MALRD1: variants seen among roughly 807,000 people sequenced by gnomAD.
MALRD1 encodes MAM and LDL receptor class A domain containing 1.
In MALRD1, 247 loss-of-function variants were observed where a neutral mutation model predicts 242.1. The ratio of observed to expected loss-of-function variants is 1.02; its 90% CI spans 0.92 to 1.13. MALRD1 has a LOEUF of 1.13. Ranked by LOEUF, MALRD1 falls within the 50% of genes most tolerant of loss-of-function variation. The probability of loss-of-function intolerance (pLI) is 0.00; values close to 1 mark genes in which losing one functional copy is unlikely to be tolerated. For missense variants in MALRD1, 2,989 were observed against 2,533.1 expected (o/e 1.18, Z -3.86); for synonymous variants, 995 against 866.6 (o/e 1.15, Z -2.60).
chr10:19,055,379 T>G (rs970266887), intron 1 of MALRD1, among the ~76,000 whole-genome samples: 2 of 152,202 alleles, frequency 1.3e-5, no homozygotes, highest in African/African-American at 4.8e-5. Flanking sequence ...TTGTCATCTT[T>G]GCTGTGCAGA....
intron 10 of MALRD1, among the ~76,000 whole-genome samples, chr10:19,139,849 A>G (rs1352913439): frequency 6.6e-6 from 1 of 152,218 alleles, no homozygotes; most frequent in East Asian, 1.9e-4. Flanking sequence ...ACAAGGTCCC[A>G]GGTGACTTGT....
At chr10:19,386,366 A>T (rs940370983) in intron 26 of MALRD1, among the ~76,000 whole-genome samples, 1 of 152,066 alleles carries the variant, frequency 6.6e-6, no homozygotes, top group Non-Finnish European at 1.5e-5. Flanking sequence ...TTTGAAGTAA[A>T]GCAAGGAGTG....
intron 32 of MALRD1, among the ~76,000 whole-genome samples, chr10:19,539,897 T>TGTGTGTGTGTGCGC (rs1365113182): frequency 1.8e-4 from 8 of 44,426 alleles, no homozygotes; most frequent in East Asian, 1.6e-3. Flanking sequence ...TGTGTGTGTG[T>TGTGTGTGTGTGCGC]GCGCGCGCGC....
At chr10:19,423,436 G>A (rs1220664895) in intron 28 of MALRD1, among the ~76,000 whole-genome samples, 1 of 151,672 alleles carries the variant, frequency 6.6e-6, no homozygotes, top group Non-Finnish European at 1.5e-5. Flanking sequence ...AGATTAATCT[G>A]GTACAAAAAT....
At chr10:19,338,885 G>A (rs936472945) in intron 24 of MALRD1, among the ~76,000 whole-genome samples, 68 of 145,260 alleles carry the variant, frequency 4.7e-4, no homozygotes, top group African/African-American at 1.2e-3. Context: ...ACACACACAC[G>A]CACATATATA....
chr10:19,295,381 G>C (rs796956765), intron 21 of MALRD1, among the ~76,000 whole-genome samples: 4 of 151,732 alleles, frequency 2.6e-5, no homozygotes, highest in African/African-American at 9.7e-5. Flanking sequence ...AGTTAAAATA[G>C]TATCCAATTG....
In MALRD1 at chr10:19,719,412, C is replaced by T. The variant is rs116107485; in HGVS notation, c.6315-11294C>T. ...TTCTTTAAGATTAAGTTACAGAAAC[C>T]TGGGTCAGTTTTATTCCTACTAATT... On this transcript the variant is annotated intron_variant, in intron 38 of 39. Coordinates refer to ENST00000454679, the MANE Select transcript of MALRD1 (RefSeq NM_001142308.3). 6.7e-4 allele frequency among the ~76,000 whole-genome samples: 101 copies of T among 151,368 alleles called. 1 individual carries two copies. Among genetic ancestry groups the T allele is most frequent in the African/African-American group, 2.2e-3 (92 of 41,228 alleles).
At chr10:19,397,420 ATTTTTT>A (rs1564304888) in intron 28 of MALRD1, among the ~76,000 whole-genome samples, 1 of 152,036 alleles carries the variant, frequency 6.6e-6, no homozygotes, top group Non-Finnish European at 1.5e-5. Context: ...ACAGGATTTC[ATTTTTT>A]TAATGGATGA....
rs565559032 is a variant in MALRD1 at position 19,139,425 on chromosome 10, A to C, written c.1411+2644A>C. The stretch of plus-strand genomic sequence containing the variant: ...CATGTTCATGAAGCACAAGAAAAAT[A>C]CCTTTATATCTTTTTTTTCTTGCAC... On this transcript the variant is annotated intron_variant, in intron 10 of 39. Transcript: ENST00000454679. Among the ~76,000 whole-genome samples the C allele has an allele frequency of 4.7e-4, 71 of 152,324 alleles. 1 individual carries two copies. The highest frequency in any genetic ancestry group is 8.8e-5 in the Non-Finnish European group (6 of 68,038).
chr10:19,704,196 G>A (rs929809486), intron 38 of MALRD1, among the ~76,000 whole-genome samples: 1 of 152,038 alleles, frequency 6.6e-6, no homozygotes, highest in Non-Finnish European at 1.5e-5. Flanking sequence ...GTTTAGATCT[G>A]GAAGTATTCT....
chr10:19,430,411 C>T (rs1025211292), intron 28 of MALRD1, among the ~76,000 whole-genome samples: 5 of 151,822 alleles, frequency 3.3e-5, no homozygotes, highest in South Asian at 4.2e-4. Context: ...CACCATGCCC[C>T]GGCCTCCTCA....
intron 24 of MALRD1, among the ~76,000 whole-genome samples, chr10:19,347,132 A>G (rs1170844251): frequency 1.3e-5 from 2 of 152,192 alleles, no homozygotes; most frequent in Non-Finnish European, 2.9e-5. Context: ...ATGCCTGTGT[A>G]ATTACTACTG....
intron 39 of MALRD1, among the ~76,000 whole-genome samples, chr10:19,732,954 T>C (rs1835354978): frequency 1.3e-5 from 2 of 152,222 alleles, no homozygotes; most frequent in South Asian, 4.1e-4. Flanking sequence ...TCTGTTTTCC[T>C]TTCATTATGA....
chr10:19,233,329 C>T (rs76126445), intron 18 of MALRD1, among the ~76,000 whole-genome samples: 13 of 152,092 alleles, frequency 8.5e-5, no homozygotes, highest in African/African-American at 2.2e-4. Context: ...TGATGAAACC[C>T]CATCTCTACT....
chr10:19,463,633 G>A (rs1836063513), intron 29 of MALRD1, among the ~76,000 whole-genome samples: 1 of 151,370 alleles, frequency 6.6e-6, no homozygotes, highest in Non-Finnish European at 1.5e-5. Flanking sequence ...GTGGGCATTT[G>A]GTTACATATT....
intron 21 of MALRD1, among the ~76,000 whole-genome samples, chr10:19,284,612 T>C (rs1841017121): frequency 3.3e-5 from 5 of 150,770 alleles, no homozygotes; most frequent in Non-Finnish European, 7.4e-5. Flanking sequence ...TAGTATTCCA[T>C]GGTGTATATG....
At chr10:19,333,978 A>G (rs1843497223) in intron 24 of MALRD1, among the ~76,000 whole-genome samples, 2 of 151,650 alleles carry the variant, frequency 1.3e-5, no homozygotes, top group Admixed American at 6.6e-5. Flanking sequence ...TCCTTTGCCC[A>G]CTTTTTAATG....
At chr10:19,636,374 C>T (rs1199823083) in intron 36 of MALRD1, among the ~76,000 whole-genome samples, 1 of 151,984 alleles carries the variant, frequency 6.6e-6, no homozygotes, top group Non-Finnish European at 1.5e-5. Context: ...AGAAGTTTAT[C>T]CCCAAAGAGA....
At chr10:19,227,909 A>G (rs1036475682) in intron 18 of MALRD1, among the ~76,000 whole-genome samples, 2 of 152,200 alleles carry the variant, frequency 1.3e-5, no homozygotes, top group East Asian at 1.9e-4. Flanking sequence ...TTAAAACCAC[A>G]TTGAGATACC....
Sources: gnomAD v4.1 joint callset for allele counts (sites outside exome capture counted in the v4.1 genomes callset) on GRCh38, gnomAD v4.1.1 for gene constraint, MANE v1.5 for transcripts, NCBI Gene and HGNC (gene_info 2026-07-23, HGNC 2026-07-21) for gene names.